Variants in DPP10 observed in about 807,000 individuals in gnomAD.
DPP10 encodes dipeptidyl peptidase like 10.
DPP10 carries 33 observed loss-of-function variants against 120.9 expected under a neutral mutation model. The observed-to-expected ratio is 0.27, with a 90% CI of 0.21 to 0.37. The LOEUF is 0.37. Ranked by LOEUF, DPP10 falls within the 10% of genes least tolerant of loss-of-function variation. The pLI is 1.00. For synonymous variants in DPP10, 337 were observed against 326.1 expected, an observed-to-expected ratio of 1.03 and a Z score of -0.36; for missense variants, 816 against 942.8, an observed-to-expected ratio of 0.87 and a Z score of 1.76.
intron 3 of DPP10, among the ~76,000 whole-genome samples, chr2:115,395,349 T>C (rs772206822): frequency 1.3e-5 from 2 of 152,192 alleles, no homozygotes; most frequent in African/African-American, 2.4e-5. Flanking sequence ...GACCTAATTT[T>C]AACTTAATTT....
intron 1 of DPP10, among the ~76,000 whole-genome samples, chr2:114,718,025 CT>C (rs976756554): frequency 3.6e-4 from 54 of 151,806 alleles, no homozygotes; most frequent in African/African-American, 1.2e-3. Context: ...GAAATTATCT[CT>C]TTCTATGTTT....
In DPP10 at chr2:114,545,860, AT is replaced by A. The variant is rs1321585915; in HGVS notation, c.60+103023del. 5.1e-4 allele frequency among the ~76,000 whole-genome samples: 78 copies of A among 152,338 alleles called. No individual in the cohort carries two copies. In the Middle Eastern group the frequency reaches 0.024, roughly 47 times the overall value. ...CTTTATACCGCAACCCATGGAGCAA[AT>A]GTTACTCATGTAAAACTCTCAATGA... is the stretch of plus-strand genomic sequence containing the variant. On this transcript the variant is annotated intron_variant, in intron 1 of 25. Coordinates refer to ENST00000410059, the MANE Select transcript of DPP10 (RefSeq NM_020868.6).
At chr2:114,512,714 T>A (rs1684247041) in intron 1 of DPP10, among the ~76,000 whole-genome samples, 1 of 152,232 alleles carries the variant, frequency 6.6e-6, no homozygotes, top group Non-Finnish European at 1.5e-5. Flanking sequence ...GGAGTACTAA[T>A]TCGTCATCAC....
chr2:114,590,752 A>G (rs1691395199), intron 1 of DPP10, among the ~76,000 whole-genome samples: 1 of 152,238 alleles, frequency 6.6e-6, no homozygotes, highest in East Asian at 1.9e-4. Flanking sequence ...CTTCAAAGGC[A>G]TATATAATAG....
chr2:115,529,915 AG>A (rs2078360607), intron 5 of DPP10, among the ~76,000 whole-genome samples: 1 of 152,144 alleles, frequency 6.6e-6, no homozygotes, highest in Non-Finnish European at 1.5e-5. Context: ...TGTGTAATTT[AG>A]GTTTATGTTT....
At chr2:114,444,738 G>A (rs995111527) in intron 1 of DPP10, among the ~76,000 whole-genome samples, 2 of 152,126 alleles carry the variant, frequency 1.3e-5, no homozygotes, top group African/African-American at 4.8e-5. Flanking sequence ...GCTTAATGAA[G>A]GAATCTTGAA....
chr2:115,808,154 C>T (rs150988656), intron 19 of DPP10, among the ~76,000 whole-genome samples: 28 of 152,226 alleles, frequency 1.8e-4, no homozygotes, highest in African/African-American at 6.3e-4. Context: ...TATACGTGTG[C>T]GAAAGGCACA....
intron 5 of DPP10, among the ~76,000 whole-genome samples, chr2:115,628,091 G>A (rs1438801099): frequency 1.3e-5 from 2 of 152,058 alleles, no homozygotes; most frequent in Non-Finnish European, 2.9e-5. Flanking sequence ...TTGAAGAATT[G>A]CCATGCTGTC....
chr2:114,675,002 A>C (rs1056990903), intron 1 of DPP10, among the ~76,000 whole-genome samples: 2 of 152,208 alleles, frequency 1.3e-5, no homozygotes, highest in African/African-American at 4.8e-5. Flanking sequence ...TTCATGGGTG[A>C]CCTGCATTGT....
At chr2:114,672,968 C>T (rs571734568) in intron 1 of DPP10, among the ~76,000 whole-genome samples, 15 of 152,188 alleles carry the variant, frequency 9.9e-5, no homozygotes, top group South Asian at 2.1e-4. Flanking sequence ...GTTCTAAGGC[C>T]GTCTCAGCTC....
At chr2:114,695,709 A>G (rs539324537) in intron 1 of DPP10, among the ~76,000 whole-genome samples, 1 of 152,134 alleles carries the variant, frequency 6.6e-6, no homozygotes, top group South Asian at 2.1e-4. Flanking sequence ...TAATTCTTTT[A>G]TGGTTCCAGG....
chr2:115,294,667 C>CA (rs1277699968), intron 1 of DPP10, among the ~76,000 whole-genome samples: 7 of 152,050 alleles, frequency 4.6e-5, no homozygotes, highest in African/African-American at 1.7e-4. Flanking sequence ...TTGTGACTAT[C>CA]AATATGGAAT....
intron 1 of DPP10, among the ~76,000 whole-genome samples, chr2:114,477,836 TAA>T (rs1573442655): frequency 1.9e-4 from 29 of 150,562 alleles, no homozygotes; most frequent in Middle Eastern, 3.6e-3. Context: ...TGTATGTACA[TAA>T]ATATATGCAT....
intron 1 of DPP10, among the ~76,000 whole-genome samples, chr2:114,790,383 CAAG>C (rs547883584): frequency 1.2e-3 from 178 of 152,262 alleles, no homozygotes; most frequent in African/African-American, 3.9e-3. Flanking sequence ...ATTTATCAGA[CAAG>C]AGTACAGATA....
intron 1 of DPP10, among the ~76,000 whole-genome samples, chr2:114,657,189 A>T (rs1022348186): frequency 2.0e-5 from 3 of 152,162 alleles, no homozygotes; most frequent in Admixed American, 1.3e-4. Flanking sequence ...TTACCATAAA[A>T]AGTTTCTAAG....
At chr2:115,710,204 C>T (rs1339883065) in intron 7 of DPP10, among the ~76,000 whole-genome samples, 8 of 152,014 alleles carry the variant, frequency 5.3e-5, no homozygotes, top group Non-Finnish European at 1.2e-4. Flanking sequence ...GATAGGGGAA[C>T]TCGGATCTTC....
intron 2 of DPP10, among the ~76,000 whole-genome samples, chr2:115,340,045 T>C (rs1435136603): frequency 6.6e-6 from 1 of 152,186 alleles, no homozygotes; most frequent in African/African-American, 2.4e-5. Context: ...AGAAACTGAA[T>C]GAAGAGTACA....
chr2:114,893,465 G>A (rs916117535), intron 1 of DPP10, among the ~76,000 whole-genome samples: 5 of 152,032 alleles, frequency 3.3e-5, no homozygotes, highest in Non-Finnish European at 5.9e-5. Flanking sequence ...TGAATATTGG[G>A]GGGTGGATGG....
In DPP10 at chr2:115,009,989, CT is replaced by C. The variant is rs550078506; in HGVS notation, c.61-299248del. On this transcript the variant is annotated intron_variant, in intron 1 of 25. Transcript: ENST00000410059. ...TAGTTCCTTTTCAGTTTGGCATCTA[CT>C]TCTTCATTTTGTTAAAATAAAACAT... Among the ~76,000 whole-genome samples the C allele has an allele frequency of 2.0e-3, 305 of 152,208 alleles. 2 individuals are homozygous for C. The highest frequency in any genetic ancestry group is 3.4e-3 in the Middle Eastern group (1 of 294).
Sources: allele counts gnomAD v4.1 joint callset (sites outside exome capture counted in the v4.1 genomes callset), GRCh38; gene constraint gnomAD v4.1.1; transcripts MANE v1.5; gene names NCBI Gene and HGNC (gene_info 2026-07-23, HGNC 2026-07-21).